The following PIAS2 variants were observed in gnomAD, a reference collection of about 807,000 sequenced individuals.
The protein encoded by PIAS2 is E3 SUMO-protein ligase PIAS2.
In PIAS2, 19 loss-of-function variants were observed where a neutral mutation model predicts 69.7. The observed-to-expected ratio is 0.27, with a 90% confidence interval of 0.19 to 0.40. The LOEUF (loss-of-function observed/expected upper bound fraction) is 0.40, where lower values mean the gene tolerates loss of function less well. Ranked by LOEUF, PIAS2 falls within the 10% of genes least tolerant of loss-of-function variation. The probability of loss-of-function intolerance (pLI) is 1.00; values close to 1 mark genes in which losing one functional copy is unlikely to be tolerated. For missense variants in PIAS2, 624 were observed against 757.0 expected (o/e 0.82, Z 2.06); for synonymous variants, 261 against 263.2 (o/e 0.99, Z 0.08).
chr18:46,825,670 G>T (rs980264483), intron 11 of PIAS2, among the ~76,000 whole-genome samples: 1 of 152,158 alleles, frequency 6.6e-6, no homozygotes, highest in Non-Finnish European at 1.5e-5. Context: ...AACAAAACTG[G>T]CATGGTATGG....
intron 3 of PIAS2, among the ~76,000 whole-genome samples, chr18:46,859,293 T>C (rs2048303370): frequency 6.6e-6 from 1 of 151,220 alleles, no homozygotes; most frequent in Non-Finnish European, 1.5e-5. Context: ...CCAGGCGTGG[T>C]GGTGGGTGCC....
At chr18:46,870,391 G>A (rs2050154216) in intron 2 of PIAS2, among the ~76,000 whole-genome samples, 1 of 152,024 alleles carries the variant, frequency 6.6e-6, no homozygotes, top group Non-Finnish European at 1.5e-5. Flanking sequence ...CGAGGCAGGT[G>A]GATCACAACG....
At chr18:46,880,232 CA>C (rs1346703052) in intron 2 of PIAS2, among the ~76,000 whole-genome samples, 1 of 151,532 alleles carries the variant, frequency 6.6e-6, no homozygotes, top group Admixed American at 6.6e-5. Context: ...CTGGTCTCTA[CA>C]AAAAAAATGT....
intron 1 of PIAS2, among the ~76,000 whole-genome samples, chr18:46,916,245 T>C (rs1365080499): frequency 6.6e-6 from 1 of 152,142 alleles, no homozygotes; most frequent in Non-Finnish European, 1.5e-5. Context: ...CCTTCCCCCA[T>C]CCCATCTCTT....
chr18:46,867,510 G>C (rs1276990628), intron 2 of PIAS2, among the ~76,000 whole-genome samples: 1 of 152,144 alleles, frequency 6.6e-6, no homozygotes, highest in East Asian at 1.9e-4. Flanking sequence ...AGGTTTTGCA[G>C]TTTATTTTCT....
At chr18:46,842,612 C>T (rs575638252) in intron 8 of PIAS2, among the ~76,000 whole-genome samples, 2 of 152,184 alleles carry the variant, frequency 1.3e-5, no homozygotes, top group African/African-American at 4.8e-5. Context: ...GTTTTTTAAC[C>T]AACAAAAAGG....
intron 2 of PIAS2, among the ~76,000 whole-genome samples, chr18:46,865,411 G>A (rs1417480777): frequency 6.6e-6 from 1 of 151,630 alleles, no homozygotes; most frequent in African/African-American, 2.4e-5. Flanking sequence ...ATGGTGGCAC[G>A]TGCCTGTAAT....
chr18:46,841,646 A>G (rs17708203), intron 8 of PIAS2, among the ~76,000 whole-genome samples: 22,091 of 152,248 alleles, frequency 0.15, 2,023 homozygotes, highest in Non-Finnish European at 0.21. Flanking sequence ...TATAGCCCAA[A>G]GAGTAGCATT....
chr18:46,837,008 AATTT>A (rs1481820975), intron 8 of PIAS2, among the ~76,000 whole-genome samples: 3 of 152,212 alleles, frequency 2.0e-5, no homozygotes, highest in East Asian at 1.9e-4. Flanking sequence ...AAGGTATCAT[AATTT>A]ATTTAATCAG....
chr18:46,880,561 C>T (rs546575623), intron 2 of PIAS2, among the ~76,000 whole-genome samples: 1 of 152,248 alleles, frequency 6.6e-6, no homozygotes, highest in South Asian at 2.1e-4. Flanking sequence ...CCACTGCACT[C>T]CAGCCTGGGC....
Position 46,806,353 on chromosome 18 carries a change from C to CTTTTTTTTTTTTTTTTTTTTTTTTTTTTT in PIAS2, c.*6051_*6079dup, listed in dbSNP as rs869187746. On this transcript the variant is annotated 3_prime_UTR_variant, in exon 14 of 14. Coordinates refer to ENST00000585916, the MANE Select transcript of PIAS2 (RefSeq NM_004671.5). ...AAAATTCTTTGCACAATGCCTGTTA[C>CTTTTTTTTTTTTTTTTTTTTTTTTTTTTT]TTTTTTTTTTTTTTTTTTTTTTTTT... The CTTTTTTTTTTTTTTTTTTTTTTTTTTTTT allele has an allele frequency of 6.6e-5, 4 of 60,176 alleles. 1 individual carries two copies. Among genetic ancestry groups the CTTTTTTTTTTTTTTTTTTTTTTTTTTTTT allele is most frequent in the Non-Finnish European group, 9.7e-5 (3 of 30,792 alleles). The allele number at this position is 60,176 out of a possible 1,614,324, so 3.7% of individuals were successfully genotyped here. A position where few individuals can be genotyped will look rare whatever the true frequency, so the allele number is the denominator to read the frequency against.
At position 46,812,606 on chromosome 18, in the gene PIAS2, G is replaced by A. The variant is rs2041082901; in HGVS notation, c.1693C>T (p.Pro565Ser). 4 of 1,607,454 alleles carry A rather than the reference G, an allele frequency of 2.5e-6. No individual in the cohort carries two copies. The highest frequency in any genetic ancestry group is 1.3e-5 in the African/African-American group (1 of 74,738). Residue 565 changes from proline (P) to serine (S), a missense_variant, in exon 14 of 14, where the codon CCT becomes TCT. Physicochemically the swap from Pro to Ser is moderately conservative, Grantham distance 74. Transcript: ENST00000585916. ...GTGAGACTATCCAAAAACATAGGAGGACAGTACTGCTTGAAACAAACAATG... is the reference window on the plus strand; with the variant it reads ...GTGAGACTATCCAAAAACATAGGAGAACAGTACTGCTTGAAACAAACAATG... ...SLIPVDPQYC[P>S]PMFLDSLTSP... is the part of the protein sequence containing the mutation.
intron 1 of PIAS2, among the ~76,000 whole-genome samples, chr18:46,910,308 G>T (rs890056356): frequency 1.3e-5 from 2 of 152,170 alleles, no homozygotes; most frequent in South Asian, 2.1e-4. Flanking sequence ...TCAGGAAAGT[G>T]CATCCTGCTA....
In PIAS2 at chr18:46,857,947, C is replaced by T. The variant is rs564259017; in HGVS notation, c.585-2332G>A. Among the ~76,000 whole-genome samples, 4 of 152,140 alleles carry T rather than the reference C, an allele frequency of 2.6e-5. No homozygotes were observed. The East Asian group carries it at 5.8e-4, about 22-fold the overall frequency. ...TCATTAAGAAGGTTGCAAATGCAAG[C>T]AGTGAAATAAATGCAATGATGCCTT... On this transcript the variant is annotated intron_variant, in intron 3 of 13. Transcript: ENST00000585916.
At chr18:46,880,367 A>G (rs2052016728) in intron 2 of PIAS2, among the ~76,000 whole-genome samples, 1 of 152,172 alleles carries the variant, frequency 6.6e-6, no homozygotes, top group Admixed American at 6.5e-5. Flanking sequence ...TGGGTGAGAG[A>G]CAGAGAGACC....
intron 9 of PIAS2, among the ~76,000 whole-genome samples, chr18:46,832,728 T>C (rs1459026107): frequency 6.6e-6 from 1 of 151,394 alleles, no homozygotes; most frequent in Non-Finnish European, 1.5e-5. Flanking sequence ...CCATCTCTAC[T>C]AAAGACACAA....
At chr18:46,852,218 T>G (rs2047068542) in intron 5 of PIAS2, among the ~76,000 whole-genome samples, 1 of 152,042 alleles carries the variant, frequency 6.6e-6, no homozygotes, top group African/African-American at 2.4e-5. Flanking sequence ...GATCAAGTGG[T>G]GGTTTAAGAT....
chr18:46,857,542 C>T (rs1193327912), intron 3 of PIAS2, among the ~76,000 whole-genome samples: 2 of 151,864 alleles, frequency 1.3e-5, no homozygotes, highest in African/African-American at 4.8e-5. Flanking sequence ...GTATCTAGTG[C>T]AGTAATTCCC....
At chr18:46,849,539 G>A (rs570728287) in intron 5 of PIAS2, among the ~76,000 whole-genome samples, 65 of 152,186 alleles carry the variant, frequency 4.3e-4, no homozygotes, top group African/African-American at 1.1e-3. Flanking sequence ...CAGCACCAGC[G>A]GAACACTTTG....
Sources: allele counts gnomAD v4.1 joint callset (sites outside exome capture counted in the v4.1 genomes callset), GRCh38; gene constraint gnomAD v4.1.1; transcripts MANE v1.5; gene names NCBI Gene and HGNC (gene_info 2026-07-23, HGNC 2026-07-21).